The following HMBOX1 variants were observed in gnomAD, a reference collection of about 807,000 sequenced individuals.
The protein encoded by HMBOX1 is homeobox containing 1, also known as homeobox-containing protein 1.
HMBOX1 carries 14 observed loss-of-function variants against 54.5 expected under a neutral mutation model. That is an observed-to-expected ratio of 0.26 (90% CI 0.17 to 0.40). HMBOX1 has a LOEUF of 0.40. HMBOX1 is among the 10% of genes least tolerant of loss of function. HMBOX1 has a pLI of 1.00. For synonymous variants in HMBOX1, 160 were observed against 181.0 expected, an observed-to-expected ratio of 0.88 and a Z score of 0.93; for missense variants, 332 against 514.4, an observed-to-expected ratio of 0.65 and a Z score of 3.43.
chr8:28,953,372 A>C (rs561213486), intron 1 of HMBOX1, among the ~76,000 whole-genome samples: 2 of 152,000 alleles, frequency 1.3e-5, no homozygotes, highest in Admixed American at 6.6e-5. Flanking sequence ...GCATGAGTGC[A>C]ACACCTTCTG....
chr8:29,045,147 C>T (rs1805387730), intron 6 of HMBOX1, among the ~76,000 whole-genome samples: 1 of 152,188 alleles, frequency 6.6e-6, no homozygotes, highest in African/African-American at 2.4e-5. Context: ...CTGACATTAG[C>T]CTCCTTTCAA....
intron 1 of HMBOX1, among the ~76,000 whole-genome samples, chr8:28,923,226 T>A (rs545336755): frequency 1.8e-4 from 27 of 152,324 alleles, no homozygotes; most frequent in South Asian, 8.3e-4. Context: ...TACTTTCTGT[T>A]TCTATGGATT....
intron 3 of HMBOX1, among the ~76,000 whole-genome samples, chr8:28,976,718 T>C (rs1436513399): frequency 6.6e-6 from 1 of 150,398 alleles, no homozygotes; most frequent in African/African-American, 2.4e-5. Context: ...TCTTTTTTTT[T>C]TTTTTTGAGA....
At chr8:28,985,285 G>C (rs1032598602) in intron 4 of HMBOX1, among the ~76,000 whole-genome samples, 2 of 152,200 alleles carry the variant, frequency 1.3e-5, no homozygotes, top group Admixed American at 6.5e-5. Flanking sequence ...GTGTTCTCAC[G>C]TAGTGGCAGG....
intron 1 of HMBOX1, among the ~76,000 whole-genome samples, chr8:28,940,592 G>C (rs1323884487): frequency 6.6e-6 from 1 of 152,166 alleles, no homozygotes; most frequent in African/African-American, 2.4e-5. Context: ...GAACACAGTT[G>C]TTGCATAATA....
chr8:28,893,786 T>C (rs909878485), intron 1 of HMBOX1, among the ~76,000 whole-genome samples: 1 of 152,336 alleles, frequency 6.6e-6, no homozygotes, highest in Admixed American at 6.5e-5. Context: ...ATTGAATACA[T>C]TGGGAATATT....
At chr8:28,978,444 A>T (rs970761393) in intron 3 of HMBOX1, among the ~76,000 whole-genome samples, 5 of 152,214 alleles carry the variant, frequency 3.3e-5, no homozygotes, top group African/African-American at 9.6e-5. Flanking sequence ...ACTAGATAGT[A>T]AAAATTTTAG....
At chr8:28,960,765 C>CTTT (rs1162477676) in intron 1 of HMBOX1, among the ~76,000 whole-genome samples, 2 of 16,268 alleles carry the variant, frequency 1.2e-4, no homozygotes, top group South Asian at 4.0e-3. Flanking sequence ...TTTTCTTTTT[C>CTTT]TTTTTTTTTT....
At chr8:29,001,399 A>T (rs1832617256) in intron 4 of HMBOX1, among the ~76,000 whole-genome samples, 1 of 152,022 alleles carries the variant, frequency 6.6e-6, no homozygotes, top group African/African-American at 2.4e-5. Context: ...AAAATACAAA[A>T]ATTAGCCAGG....
chr8:29,025,178 T>A (rs1248985078), intron 6 of HMBOX1, among the ~76,000 whole-genome samples: 3 of 151,538 alleles, frequency 2.0e-5, no homozygotes, highest in Non-Finnish European at 4.4e-5. Context: ...AGAAAAAAAA[T>A]GGAAGAAAAA....
chr8:28,993,275 G>T (rs1831269999), intron 4 of HMBOX1, among the ~76,000 whole-genome samples: 1 of 152,008 alleles, frequency 6.6e-6, no homozygotes, highest in African/African-American at 2.4e-5. Flanking sequence ...ATTTCAATTT[G>T]ATGATAAATA....
At chr8:28,907,587 T>A (rs1814574899) in intron 1 of HMBOX1, among the ~76,000 whole-genome samples, 1 of 152,232 alleles carries the variant, frequency 6.6e-6, no homozygotes, top group South Asian at 2.1e-4. Context: ...TGATTTGTTA[T>A]GTGCCTCTGC....
At chr8:28,940,532 A>G (rs1821199982) in intron 1 of HMBOX1, among the ~76,000 whole-genome samples, 2 of 152,160 alleles carry the variant, frequency 1.3e-5, no homozygotes, top group African/African-American at 4.8e-5. Context: ...GGGTAGAAAT[A>G]TGTATGTTCT....
At chr8:29,003,924 GT>G (rs1833055300) in intron 4 of HMBOX1, among the ~76,000 whole-genome samples, 2 of 152,002 alleles carry the variant, frequency 1.3e-5, no homozygotes, top group South Asian at 2.1e-4. Context: ...ATCTTAAATG[GT>G]TTGTTATTTT....
At position 28,914,147 on chromosome 8, in the gene HMBOX1, C is replaced by A. The variant is rs1395448116; in HGVS notation, c.-58+23469C>A. Among the ~76,000 whole-genome samples the A allele has an allele frequency of 2.6e-5, 4 of 152,080 alleles. No individual in the cohort carries two copies. The South Asian group carries it at 8.3e-4, about 32-fold the overall frequency. ...CCTCCCAAAGTGCTGGGATTACAGG[C>A]GTGAGCTACCGTGCCTGGCCTGATC... On this transcript the variant is annotated intron_variant, in intron 1 of 9. Coordinates refer to ENST00000287701, the MANE Select transcript of HMBOX1 (RefSeq NM_001135726.3).
intron 1 of HMBOX1, among the ~76,000 whole-genome samples, chr8:28,894,961 C>G (rs1231101698): frequency 1.3e-5 from 2 of 149,042 alleles, no homozygotes; most frequent in Admixed American, 1.3e-4. Context: ...AAAACAGTAA[C>G]AATAGTCTGA....
At chr8:29,016,474 A>G (rs73241202) in intron 5 of HMBOX1, among the ~76,000 whole-genome samples, 1 of 152,356 alleles carries the variant, frequency 6.6e-6, no homozygotes, top group Non-Finnish European at 1.5e-5. Context: ...TGATTGTGAT[A>G]ATTTTTATTA....
At chr8:28,916,763 A>T (rs936596662) in intron 1 of HMBOX1, among the ~76,000 whole-genome samples, 3 of 151,350 alleles carry the variant, frequency 2.0e-5, no homozygotes, top group East Asian at 1.9e-4. Context: ...TTTTTTTTTT[A>T]AATCTAAATT....
At chr8:28,985,658 T>C (rs560433467) in intron 4 of HMBOX1, among the ~76,000 whole-genome samples, 1 of 152,310 alleles carries the variant, frequency 6.6e-6, no homozygotes, top group East Asian at 1.9e-4. Flanking sequence ...TTTTAACTTA[T>C]CTTTAAAATG....
Sources: gnomAD v4.1 joint callset for allele counts (sites outside exome capture counted in the v4.1 genomes callset) on GRCh38, gnomAD v4.1.1 for gene constraint, MANE v1.5 for transcripts, NCBI Gene and HGNC (gene_info 2026-07-23, HGNC 2026-07-21) for gene names.